The following ADAMTS20 variants were observed in gnomAD, a reference collection of about 807,000 sequenced individuals.
ADAMTS20 encodes the protein A disintegrin and metalloproteinase with thrombospondin motifs 20.
A neutral mutation model predicts 260.1 loss-of-function variants in ADAMTS20; 225 were observed. That is an observed-to-expected ratio of 0.87 (90% confidence interval 0.78 to 0.97). The LOEUF (loss-of-function observed/expected upper bound fraction) is 0.97, where lower values mean the gene tolerates loss of function less well. Ranked by LOEUF, ADAMTS20 falls within the 50% of genes least tolerant of loss-of-function variation. The pLI is 0.00. For synonymous variants in ADAMTS20, 802 were observed against 769.5 expected (o/e 1.04, Z -0.70); for missense variants, 2,400 against 2,337.7 (o/e 1.03, Z -0.55).
At chr12:43,498,376 T>C (rs1404570280) in intron 4 of ADAMTS20, among the ~76,000 whole-genome samples, 3 of 152,198 alleles carry the variant, frequency 2.0e-5, no homozygotes, top group African/African-American at 4.8e-5. Context: ...ATAATCCAAG[T>C]TGTGTATATA....
intron 37 of ADAMTS20, among the ~76,000 whole-genome samples, chr12:43,361,875 T>A (rs1186861535): frequency 6.6e-6 from 1 of 152,218 alleles, no homozygotes; most frequent in African/African-American, 2.4e-5. Context: ...TTGACAGTTA[T>A]ATGATTTACT....
intron 4 of ADAMTS20, among the ~76,000 whole-genome samples, chr12:43,501,485 A>G (rs1177770781): frequency 9.1e-4 from 105 of 114,988 alleles, no homozygotes; most frequent in African/African-American, 3.5e-3. Context: ...GCGCGCGCAC[A>G]CACACACACA....
At chr12:43,544,019 A>G (rs994343181) in intron 2 of ADAMTS20, among the ~76,000 whole-genome samples, 9 of 152,194 alleles carry the variant, frequency 5.9e-5, no homozygotes, top group Admixed American at 4.6e-4. Context: ...TAGGTAATAA[A>G]TGACTGATAA....
rs368036884 is a variant in ADAMTS20, at chr12:43,399,217, C to T, written c.4301G>A (p.Gly1434Asp). ...CACTTCACGGTACTTTCTACCTTTACCACAAGAAGCTGAGCACTAGAAAAG... is the reference window on the plus strand; with the variant it reads ...CACTTCACGGTACTTTCTACCTTTATCACAAGAAGCTGAGCACTAGAAAAG... The part of the protein sequence containing the change: ...EPWTSCSASC[G>D]KGRKYREVFC... The change falls in exon 29 of 39, where the codon GGT becomes GAT. Residue 1434 changes from glycine (G) to aspartate (D), a missense_variant. Coordinates refer to ENST00000389420, the MANE Select transcript of ADAMTS20 (RefSeq NM_025003.5). 5.9e-6 allele frequency: 9 copies of T among 1,535,606 alleles called. No individual in the cohort carries two copies. Among genetic ancestry groups the T allele is most frequent in the African/African-American group, 1.4e-5 (1 of 71,454 alleles).
intron 18 of ADAMTS20, among the ~76,000 whole-genome samples, chr12:43,436,150 A>G (rs1057456946): frequency 6.6e-6 from 1 of 152,234 alleles, no homozygotes; most frequent in Non-Finnish European, 1.5e-5. Flanking sequence ...GGAAATAACT[A>G]TTTAACAGAG....
rs1316713263 is a variant in ADAMTS20 at position 43,383,545 on chromosome 12, T to C, written c.4797+13A>G. 6.3e-7 allele frequency: 1 copy of C among 1,587,850 alleles called. No homozygotes were observed. Among genetic ancestry groups the C allele is most frequent in the Non-Finnish European group, 8.6e-7 (1 of 1,167,796 alleles). On this transcript the variant is annotated intron_variant, in intron 31 of 38. Coordinates refer to ENST00000389420, the MANE Select transcript of ADAMTS20 (RefSeq NM_025003.5). The stretch of plus-strand genomic sequence containing the variant: ...AAGGAGCAAAAATTCTCAACTTCCT[T>C]TCTTTACCTTACCTGTGATGAGTCT...
intron 29 of ADAMTS20, among the ~76,000 whole-genome samples, chr12:43,397,452 C>T (rs1036104768): frequency 6.6e-6 from 1 of 152,118 alleles, no homozygotes; most frequent in East Asian, 1.9e-4. Flanking sequence ...GAGGCCATTA[C>T]AGACTCAGGA....
In ADAMTS20 at chr12:43,383,746, A is replaced by C. The variant is rs1230874069; in HGVS notation, c.4627-18T>G. The C allele has an allele frequency of 1.9e-6, 3 of 1,613,594 alleles. No individual in the cohort carries two copies. Among genetic ancestry groups the C allele is most frequent in the East Asian group, 4.5e-5 (2 of 44,896 alleles). On this transcript the variant is annotated intron_variant, in intron 30 of 38. Transcript: ENST00000389420. ...GTTGAACACTAGAAATGCAATAACC[A>C]AATGAATAACACATTCTTATATGCA...
intron 3 of ADAMTS20, among the ~76,000 whole-genome samples, chr12:43,520,130 A>G (rs1324654707): frequency 6.6e-6 from 1 of 152,130 alleles, no homozygotes; most frequent in Non-Finnish European, 1.5e-5. Context: ...CTTCTTTTGG[A>G]GGATGTAGGT....
chr12:43,379,565 A>G (rs1940304168), intron 31 of ADAMTS20, among the ~76,000 whole-genome samples: 1 of 152,134 alleles, frequency 6.6e-6, no homozygotes, highest in Non-Finnish European at 1.5e-5. Flanking sequence ...CCCTACTCCC[A>G]ACCCCCCAAC....
chr12:43,548,383 A>T (rs2137533356), intron 2 of ADAMTS20, among the ~76,000 whole-genome samples: 1 of 152,268 alleles, frequency 6.6e-6, no homozygotes, highest in Admixed American at 6.5e-5. Flanking sequence ...TGAATTCCCA[A>T]GCTTTGTATC....
chr12:43,436,984 G>T (rs1207978688), intron 18 of ADAMTS20, among the ~76,000 whole-genome samples: 1 of 152,148 alleles, frequency 6.6e-6, no homozygotes, highest in African/African-American at 2.4e-5. Context: ...TAACTTGTCT[G>T]ACCCACAGAG....
At chr12:43,512,080 T>C (rs1942931698) in intron 3 of ADAMTS20, among the ~76,000 whole-genome samples, 1 of 151,890 alleles carries the variant, frequency 6.6e-6, no homozygotes, top group African/African-American at 2.4e-5. Context: ...GAGTGCTTAT[T>C]ACATATCAGG....
chr12:43,423,878 C>A, intron 28 of ADAMTS20: 2 of 728,620 alleles, frequency 2.7e-6, no homozygotes, highest in East Asian at 2.5e-5. Context: ...CATTAGTTCC[C>A]ACAAGATGAT....
chr12:43,386,966 C>T (rs1565675748), intron 29 of ADAMTS20, among the ~76,000 whole-genome samples: 1 of 152,172 alleles, frequency 6.6e-6, no homozygotes, highest in Non-Finnish European at 1.5e-5. Flanking sequence ...TGTTATTACC[C>T]ACCTTCTGAA....
intron 11 of ADAMTS20, among the ~76,000 whole-genome samples, chr12:43,458,262 G>T (rs1028104843): frequency 6.6e-6 from 1 of 152,202 alleles, no homozygotes; most frequent in East Asian, 1.9e-4. Context: ...ATTTCCAAAG[G>T]AGGCAATCAG....
chr12:43,550,897 G>A lies in ADAMTS20; in HGVS notation c.453+12C>T, dbSNP rs764333102. On this transcript the variant is annotated intron_variant, in intron 2 of 38. Transcript: ENST00000389420. ...ATCCCAAGAAAATGCCAAGGGACCCGAGGACACTCACCAGGCCTCCGCATA... is the reference window on the plus strand; with the variant it reads ...ATCCCAAGAAAATGCCAAGGGACCCAAGGACACTCACCAGGCCTCCGCATA... 18 of 1,527,266 alleles carry A rather than the reference G, an allele frequency of 1.2e-5. No individual in the cohort carries two copies. The highest frequency in any genetic ancestry group is 9.0e-5 in the South Asian group (7 of 77,832). The allele number at this position is 1,527,266 out of a possible 1,614,324, so 94.6% of individuals were successfully genotyped here. A position where few individuals can be genotyped will look rare whatever the true frequency, so the allele number is the denominator to read the frequency against.
chr12:43,409,557 C>G (rs1483630352), intron 28 of ADAMTS20, among the ~76,000 whole-genome samples: 9 of 131,806 alleles, frequency 6.8e-5, no homozygotes, highest in African/African-American at 1.8e-4. Flanking sequence ...AGCCGAGATC[C>G]CGCCACTGCA....
At chr12:43,433,781 T>C in intron 19 of ADAMTS20, 3 of 488,032 alleles carry the variant, frequency 6.1e-6, no homozygotes, top group South Asian at 4.5e-5. Flanking sequence ...AGTATAAACT[T>C]GCTGTCATGA....
Sources: gnomAD v4.1 joint callset for allele counts (sites outside exome capture counted in the v4.1 genomes callset) on GRCh38, gnomAD v4.1.1 for gene constraint, MANE v1.5 for transcripts, NCBI Gene and HGNC (gene_info 2026-07-23, HGNC 2026-07-21) for gene names.